Variants in GSAP observed in about 807,000 individuals in gnomAD.
The protein encoded by GSAP is gamma-secretase activating protein.
GSAP carries 118 observed loss-of-function variants against 131.7 expected under a neutral mutation model. That is an observed-to-expected ratio of 0.90 (90% CI 0.77 to 1.04). The LOEUF is 1.04. GSAP is among the 50% of genes least tolerant of loss of function. The pLI is 0.00. For missense variants in GSAP, 1,019 were observed against 1,013.2 expected, an observed-to-expected ratio of 1.01 and a Z score of -0.08; for synonymous variants, 381 against 363.4, an observed-to-expected ratio of 1.05 and a Z score of -0.55.
At chr7:77,332,783 T>C (rs1789359776) in intron 19 of GSAP, among the ~76,000 whole-genome samples, 1 of 152,182 alleles carries the variant, frequency 6.6e-6, no homozygotes, top group Admixed American at 6.5e-5. Flanking sequence ...AATATAGATA[T>C]TAGATATATC....
chr7:77,408,046 T>C (rs577642327), intron 1 of GSAP, among the ~76,000 whole-genome samples: 6 of 152,344 alleles, frequency 3.9e-5, no homozygotes, highest in South Asian at 4.1e-4. Context: ...GCACAACTAA[T>C]GTACAGTGTT....
At chr7:77,326,374 G>T (rs1337644365) in intron 22 of GSAP, 101 bp from the exon 23 acceptor site, 11 of 764,010 alleles carry the variant, frequency 1.4e-5, no homozygotes, top group Non-Finnish European at 2.2e-5. Flanking sequence ...GAGTCATTGA[G>T]AAAACATAAC....
At chr7:77,343,967 A>C (rs962792799) in intron 19 of GSAP, among the ~76,000 whole-genome samples, 2 of 152,082 alleles carry the variant, frequency 1.3e-5, no homozygotes, top group African/African-American at 4.8e-5. Flanking sequence ...TCCCTTCCCT[A>C]CACATCAAGC....
At chr7:77,404,235 C>A (rs1801867002) in intron 3 of GSAP, among the ~76,000 whole-genome samples, 1 of 152,208 alleles carries the variant, frequency 6.6e-6, no homozygotes, top group East Asian at 1.9e-4. Context: ...ACTGCCATGG[C>A]TCTAAAACTA....
At chr7:77,401,327 A>T (rs1021014425) in intron 3 of GSAP, among the ~76,000 whole-genome samples, 2 of 152,126 alleles carry the variant, frequency 1.3e-5, no homozygotes, top group African/African-American at 4.8e-5. Context: ...AAGGAGAAAG[A>T]AAAAAATTTT....
At chr7:77,335,156 T>A (rs1789789660) in intron 19 of GSAP, among the ~76,000 whole-genome samples, 1 of 151,836 alleles carries the variant, frequency 6.6e-6, no homozygotes, top group Admixed American at 6.6e-5. Flanking sequence ...TCCCAGCACT[T>A]TGGGAGGCCA....
chr7:77,374,497 A>C (rs1796565345), intron 11 of GSAP, among the ~76,000 whole-genome samples: 1 of 152,162 alleles, frequency 6.6e-6, no homozygotes, highest in Non-Finnish European at 1.5e-5. Flanking sequence ...GTTCAGGATT[A>C]TCATTACTCT....
intron 26 of GSAP, 144 bp from the exon 27 acceptor site, chr7:77,314,633 G>A (rs1259730937): frequency 7.5e-6 from 6 of 803,548 alleles, no homozygotes; most frequent in Non-Finnish European, 1.2e-5. Context: ...CAAGGTCCAA[G>A]TTTCCTTCTC....
At chr7:77,321,797 T>C (rs1464004376) in intron 24 of GSAP, among the ~76,000 whole-genome samples, 1 of 152,202 alleles carries the variant, frequency 6.6e-6, no homozygotes, top group African/African-American at 2.4e-5. Context: ...ATGGAGGTCA[T>C]GATCATGAGC....
intron 1 of GSAP, among the ~76,000 whole-genome samples, chr7:77,409,800 G>A (rs1057203818): frequency 1.3e-5 from 2 of 152,148 alleles, no homozygotes; most frequent in Admixed American, 6.5e-5. Flanking sequence ...TTGCAAAAGC[G>A]TATCTATTTT....
chr7:77,404,234 G>A (rs905528512), intron 3 of GSAP, among the ~76,000 whole-genome samples: 2 of 152,192 alleles, frequency 1.3e-5, no homozygotes, highest in Non-Finnish European at 2.9e-5. Flanking sequence ...AACTGCCATG[G>A]CTCTAAAACT....
chr7:77,320,698 C>T lies in GSAP; in HGVS notation c.2089+27G>A, dbSNP rs199950697. The stretch of plus-strand genomic sequence containing the variant: ...ATGAAGAAGAAATAAATTTATTATA[C>T]CAAAGGACAAAAGAGCCAACACTTA... On this transcript the variant is annotated intron_variant, in intron 26 of 30. Coordinates refer to ENST00000257626, the MANE Select transcript of GSAP (RefSeq NM_017439.4). 6.9e-6 allele frequency: 9 copies of T among 1,297,624 alleles called. No individual in the cohort carries two copies. In the East Asian group the frequency reaches 2.1e-4, roughly 30 times the overall value. The allele number at this position is 1,297,624 out of a possible 1,614,324, so 80.4% of individuals were successfully genotyped here.
chr7:77,364,669 T>C (rs1795016658), intron 12 of GSAP, among the ~76,000 whole-genome samples: 1 of 152,038 alleles, frequency 6.6e-6, no homozygotes, highest in Non-Finnish European at 1.5e-5. Flanking sequence ...ACTTAAAGTG[T>C]AATAATAAAA....
chr7:77,360,284 G>C (rs1185704212), intron 14 of GSAP, among the ~76,000 whole-genome samples: 1 of 152,200 alleles, frequency 6.6e-6, no homozygotes, highest in Non-Finnish European at 1.5e-5. Context: ...TTTCAGTGGG[G>C]AGGTACAACA....
In GSAP at chr7:77,376,910, A is replaced by T; in HGVS notation, c.682-3T>A. 1 of 1,423,592 alleles carries T rather than the reference A, an allele frequency of 7.0e-7. No homozygotes were observed. Among genetic ancestry groups the T allele is most frequent in the South Asian group, 1.3e-5 (1 of 78,714 alleles). 88.2% of individuals were successfully genotyped at this position (1,423,592 alleles called of 1,614,324 possible). A position where few individuals can be genotyped will look rare whatever the true frequency, so the allele number is the denominator to read the frequency against. ...CATTTTAAGATACTCCTTGATTTCT[A>T]AAAGAGAAAACAGAATGGCATATTA... On this transcript the variant is annotated splice_polypyrimidine_tract_variant and splice_region_variant and intron_variant, in intron 9 of 30. Coordinates refer to ENST00000257626, the MANE Select transcript of GSAP (RefSeq NM_017439.4).
chr7:77,346,919 C>G (rs1182141526), intron 19 of GSAP, among the ~76,000 whole-genome samples: 1 of 151,698 alleles, frequency 6.6e-6, no homozygotes, highest in Non-Finnish European at 1.5e-5. Flanking sequence ...ATGACTCTCC[C>G]CTCCACCACT....
chr7:77,362,601 C>A lies in GSAP; in HGVS notation c.931G>T (p.Val311Leu). 1 of 1,565,740 alleles carries A rather than the reference C, an allele frequency of 6.4e-7. No homozygotes were observed. Among genetic ancestry groups the A allele is most frequent in the Non-Finnish European group, 8.8e-7 (1 of 1,137,102 alleles). The change falls in exon 13 of 31, where the codon GTG (valine) becomes TTG (leucine). Residue 311 changes from valine to leucine, a missense_variant. Coordinates refer to ENST00000257626, the MANE Select transcript of GSAP (RefSeq NM_017439.4). ...AAAGTACCTTTATGAATGTAAAACA[C>A]TGAATATGTGATTTGTCCCCAAGAG... ...CASWGQITYS[V>L]FYIHKGHSKT... is the part of the protein sequence containing the mutation.
At chr7:77,371,511 T>C (rs558242074) in intron 12 of GSAP, among the ~76,000 whole-genome samples, 73 of 151,096 alleles carry the variant, frequency 4.8e-4, no homozygotes, top group Admixed American at 1.3e-3. Context: ...CTCAGCTCAC[T>C]GCAACCTCCG....
At chr7:77,377,570 C>T (rs1015574903) in intron 8 of GSAP, among the ~76,000 whole-genome samples, 180 bp from the exon 9 acceptor site, 3 of 152,144 alleles carry the variant, frequency 2.0e-5, no homozygotes, top group Non-Finnish European at 4.4e-5. Context: ...TGTTTTAAGA[C>T]ATAATTTCAT....
Sources: allele counts gnomAD v4.1 joint callset (sites outside exome capture counted in the v4.1 genomes callset), GRCh38; gene constraint gnomAD v4.1.1; transcripts MANE v1.5; gene names NCBI Gene and HGNC (gene_info 2026-07-23, HGNC 2026-07-21).